The following SCNN1G variants were observed in gnomAD, a reference collection of about 807,000 sequenced individuals.
The protein encoded by SCNN1G is epithelial sodium channel subunit gamma.
SCNN1G carries 27 observed loss-of-function variants against 64.6 expected under a neutral mutation model. The ratio of observed to expected loss-of-function variants is 0.42; its 90% CI spans 0.31 to 0.58. SCNN1G has a LOEUF of 0.58. Ranked by LOEUF, SCNN1G falls within the 20% of genes least tolerant of loss-of-function variation. The probability of loss-of-function intolerance (pLI) is 0.18; values close to 1 mark genes in which losing one functional copy is unlikely to be tolerated. For synonymous variants in SCNN1G, 330 were observed against 314.2 expected, an observed-to-expected ratio of 1.05 and a Z score of -0.53; for missense variants, 743 against 823.4, an observed-to-expected ratio of 0.90 and a Z score of 1.19.
intron 12 of SCNN1G, 100 bp from the exon 13 acceptor site, chr16:23,214,989 G>A: frequency 7.0e-7 from 1 of 1,421,038 alleles, no homozygotes; most frequent in Non-Finnish European, 9.9e-7. Flanking sequence ...CCTGTGCAGG[G>A]TCGGGGCTGA....
chr16:23,186,869 T>C (rs187508895), intron 2 of SCNN1G, among the ~76,000 whole-genome samples: 2 of 152,240 alleles, frequency 1.3e-5, no homozygotes, highest in East Asian at 3.9e-4. Context: ...TGGGATGCAG[T>C]GGTGCGATCT....
chr16:23,205,529 C>A (rs1288608871), intron 6 of SCNN1G, among the ~76,000 whole-genome samples: 2 of 152,074 alleles, frequency 1.3e-5, no homozygotes, highest in East Asian at 3.9e-4. Flanking sequence ...GAAACCCCAT[C>A]TCTACTAAAA....
At chr16:23,202,486 G>A (rs1288487642) in intron 6 of SCNN1G, among the ~76,000 whole-genome samples, 4 of 152,324 alleles carry the variant, frequency 2.6e-5, no homozygotes, top group African/African-American at 7.2e-5. Context: ...TAGTCAAGAA[G>A]AGCCAGTCCA....
chr16:23,211,996 C>A (rs1232977615), intron 7 of SCNN1G, 38 bp from the exon 8 acceptor site: 3 of 1,440,822 alleles, frequency 2.1e-6, no homozygotes, highest in African/African-American at 2.8e-5. Flanking sequence ...CATCCCTGAG[C>A]AAAGACATGA....
chr16:23,205,560 C>T (rs1025845916), intron 6 of SCNN1G, among the ~76,000 whole-genome samples: 17 of 152,042 alleles, frequency 1.1e-4, no homozygotes, highest in Admixed American at 4.6e-4. Context: ...ATTAGCCAGG[C>T]ATGGAGGCAC....
At chr16:23,214,091 G>T (rs568094028) in intron 11 of SCNN1G, among the ~76,000 whole-genome samples, 26 of 152,310 alleles carry the variant, frequency 1.7e-4, no homozygotes, top group Admixed American at 1.2e-3. Flanking sequence ...ATGGTTAAGA[G>T]CATGGACTTT....
rs1317772834 is a variant in SCNN1G, at chr16:23,215,170, G to A, written c.1651G>A (p.Glu551Lys). The A allele has an allele frequency of 1.9e-6, 3 of 1,614,098 alleles. No individual in the cohort carries two copies. Among genetic ancestry groups the A allele is most frequent in the East Asian group, 4.5e-5 (2 of 44,866 alleles). The change falls in exon 13 of 13, where the codon GAG becomes AAG. Residue 551 changes from glutamate (E) to lysine (K), a missense_variant. Physicochemically the swap from Glu to Lys is moderately conservative, Grantham distance 56. Coordinates refer to ENST00000300061, the MANE Select transcript of SCNN1G (RefSeq NM_001039.4). The part of the protein sequence containing the change: ...CSVVCVIEII[E>K]VFFIDFFSII... ...TGTTGTCTGCGTCATCGAGATCATC[G>A]AGGTCTTCTTCATTGACTTCTTCTC... is the stretch of plus-strand genomic sequence containing the variant.
At chr16:23,187,110 T>TTC (rs1555473300) in intron 2 of SCNN1G, among the ~76,000 whole-genome samples, 1 of 145,506 alleles carries the variant, frequency 6.9e-6, no homozygotes, top group Admixed American at 6.8e-5. Flanking sequence ...CCTTTTCTTT[T>TTC]TTTTTTTTTT....
chr16:23,212,353 G>A (rs1377780412), intron 8 of SCNN1G, among the ~76,000 whole-genome samples: 1 of 152,198 alleles, frequency 6.6e-6, no homozygotes, highest in Non-Finnish European at 1.5e-5. Flanking sequence ...TCAACTCCAG[G>A]AGGTAGGAAC....
At chr16:23,210,548 A>G (rs749236894) in intron 7 of SCNN1G, among the ~76,000 whole-genome samples, 4 of 152,150 alleles carry the variant, frequency 2.6e-5, no homozygotes, top group Admixed American at 1.3e-4. Flanking sequence ...CTGACTTTTC[A>G]ACACTTAAGT....
Position 23,192,456 on chromosome 16 carries a change from G to T in SCNN1G, c.723G>T (p.Val241=). 5 of 1,613,912 alleles carry T rather than the reference G, an allele frequency of 3.1e-6. No individual in the cohort carries two copies. The East Asian group carries it at 8.9e-5, about 29-fold the overall frequency. ...KLHYMNIMAQ[V]PLEKKINMSY... The stretch of plus-strand genomic sequence containing the variant: ...ACTACATGAACATCATGGCACAGGT[G>T]CCTCTGGAGAAGAAAATCAACATGA... Residue 241 remains valine (V), a synonymous_variant, in exon 4 of 13, where the codon GTG becomes GTT. Transcript: ENST00000300061.
chr16:23,214,242 A>T (rs1322684728), intron 11 of SCNN1G, among the ~76,000 whole-genome samples: 1 of 152,226 alleles, frequency 6.6e-6, no homozygotes, highest in Non-Finnish European at 1.5e-5. Flanking sequence ...CCTGCCTCAT[A>T]GGGCTGTTGG....
At chr16:23,208,984 A>C (rs1960036993) in intron 6 of SCNN1G, among the ~76,000 whole-genome samples, 1 of 152,080 alleles carries the variant, frequency 6.6e-6, no homozygotes, top group Non-Finnish European at 1.5e-5. Flanking sequence ...AATCAAATCC[A>C]AATTTCTCAG....
intron 4 of SCNN1G, 146 bp from the exon 5 acceptor site, chr16:23,194,025 T>C: frequency 1.4e-6 from 1 of 697,166 alleles, no homozygotes; most frequent in Non-Finnish European, 2.7e-6. Context: ...TTGTTTGTCA[T>C]TTGATCAGGA....
intron 3 of SCNN1G, among the ~76,000 whole-genome samples, chr16:23,190,795 T>C (rs75253436): frequency 0.057 from 8,629 of 150,940 alleles, 324 homozygotes; most frequent in Non-Finnish European, 0.074. Context: ...GGTGCTTGGC[T>C]TGACTTCATT....
chr16:23,197,313 C>G lies in SCNN1G; in HGVS notation c.963C>G (p.Leu321=). The G allele has an allele frequency of 6.2e-7, 1 of 1,613,796 alleles. No individual in the cohort carries two copies. Among genetic ancestry groups the G allele is most frequent in the Non-Finnish European group, 8.5e-7 (1 of 1,179,694 alleles). Residue 321 remains leucine (L), a synonymous_variant, in exon 6 of 13, where the codon CTC becomes CTG. Transcript: ENST00000300061. ...YINEEEYNPF[L]VSSTGAKVII... The stretch of plus-strand genomic sequence containing the variant: ...ACGAAGAGGAATACAACCCATTCCT[C>G]GTGTCCTCCACTGGAGCTAAGGTGA...
At chr16:23,193,069 C>CAAAAAAAAAAA (rs56318076) in intron 4 of SCNN1G, among the ~76,000 whole-genome samples, 8 of 69,128 alleles carry the variant, frequency 1.2e-4, no homozygotes, top group African/African-American at 5.8e-4. Context: ...ACTCTTGTCT[C>CAAAAAAAAAAA]AAAAAAAAAA....
intron 6 of SCNN1G, among the ~76,000 whole-genome samples, chr16:23,197,691 C>T (rs936490866): frequency 2.6e-5 from 4 of 151,978 alleles, no homozygotes; most frequent in African/African-American, 7.3e-5. Context: ...ACCAGCCTAG[C>T]CAACTTGGTG....
chr16:23,212,021 T>C lies in SCNN1G; in HGVS notation c.1177-13T>C. Reference sequence around the variant, plus strand: ...CAAAGACATGAATGGCATTCCTGGGTCTCCTCTTTCAGATCTGCCTTCATT... The same window carrying C: ...CAAAGACATGAATGGCATTCCTGGGCCTCCTCTTTCAGATCTGCCTTCATT... On this transcript the variant is annotated splice_polypyrimidine_tract_variant and intron_variant, in intron 7 of 12. Coordinates refer to ENST00000300061, the MANE Select transcript of SCNN1G (RefSeq NM_001039.4). 1 of 1,563,396 alleles carries C rather than the reference T, an allele frequency of 6.4e-7. No individual in the cohort carries two copies.
Sources: gnomAD v4.1 joint callset for allele counts (sites outside exome capture counted in the v4.1 genomes callset) on GRCh38, gnomAD v4.1.1 for gene constraint, MANE v1.5 for transcripts, NCBI Gene and HGNC (gene_info 2026-07-23, HGNC 2026-07-21) for gene names.